TNR: variants seen among roughly 807,000 people sequenced by gnomAD.
The protein encoded by TNR is tenascin-R.
TNR carries 45 observed loss-of-function variants against 150.4 expected under a neutral mutation model. The observed-to-expected ratio is 0.30, with a 90% confidence interval of 0.24 to 0.38. The LOEUF is 0.38. Ranked by LOEUF, TNR falls within the 10% of genes least tolerant of loss-of-function variation. The probability of loss-of-function intolerance (pLI) is 1.00; values close to 1 mark genes in which losing one functional copy is unlikely to be tolerated. For missense variants in TNR, 1,544 were observed against 1,759.1 expected (o/e 0.88, Z 2.19); for synonymous variants, 687 against 678.4 (o/e 1.01, Z -0.20).
intron 1 of TNR, among the ~76,000 whole-genome samples, chr1:175,665,126 T>C (rs1665497851): frequency 6.6e-6 from 1 of 152,254 alleles, no homozygotes; most frequent in Non-Finnish European, 1.5e-5. Flanking sequence ...GACATTGATT[T>C]GAAATGAAGA....
intron 2 of TNR, among the ~76,000 whole-genome samples, chr1:175,448,577 G>A (rs1656165471): frequency 6.6e-6 from 1 of 152,206 alleles, no homozygotes. Flanking sequence ...ATCCACCTCA[G>A]ACTAGGCCAA....
chr1:175,517,047 GAGAGAGAGAGAA>G lies in TNR; in HGVS notation c.-64+11210_-64+11221del, dbSNP rs1417522809. 2.4e-3 allele frequency among the ~76,000 whole-genome samples: 339 copies of G among 144,182 alleles called. 1 individual carries two copies. The highest frequency in any genetic ancestry group is 8.6e-3 in the African/African-American group (306 of 35,544). 94.6% of individuals were successfully genotyped at this position (144,182 alleles called of 152,430 possible). A position where few individuals can be genotyped will look rare whatever the true frequency, so the allele number is the denominator to read the frequency against. Reference sequence around the variant, plus strand: ...AGAGAGAGAGAGAGAGAGAGAGAGAGAGAGAGAGAGAAAGAGAGAGAGACCTTCAAATACAGC... The same window carrying G: ...AGAGAGAGAGAGAGAGAGAGAGAGAGAGAGAGAGAGACCTTCAAATACAGC... On this transcript the variant is annotated intron_variant, in intron 2 of 22. Coordinates refer to ENST00000367674, the MANE Select transcript of TNR (RefSeq NM_003285.3).
intron 1 of TNR, among the ~76,000 whole-genome samples, chr1:175,571,604 G>A (rs1284393192): frequency 7.2e-5 from 11 of 151,966 alleles, no homozygotes; most frequent in African/African-American, 1.5e-4. Flanking sequence ...TCTCCTATCC[G>A]CCCTGAAAAT....
At chr1:175,518,531 T>A (rs1251778576) in intron 2 of TNR, among the ~76,000 whole-genome samples, 1 of 152,200 alleles carries the variant, frequency 6.6e-6, no homozygotes. Context: ...CCTGCTGTAA[T>A]GAGAACTTTG....
chr1:175,510,254 G>A (rs1221022844), intron 2 of TNR, among the ~76,000 whole-genome samples: 1 of 151,908 alleles, frequency 6.6e-6, no homozygotes, highest in Non-Finnish European at 1.5e-5. Flanking sequence ...GAAATGAAAT[G>A]TATTTAAGGG....
intron 19 of TNR, among the ~76,000 whole-genome samples, 189 bp from the exon 20 acceptor site, chr1:175,335,996 C>G (rs1027999143): frequency 2.6e-5 from 4 of 152,194 alleles, no homozygotes; most frequent in African/African-American, 9.6e-5. Flanking sequence ...TTGTAGGAGA[C>G]ACTCAGAGCA....
chr1:175,464,980 A>T (rs1216952464), intron 2 of TNR, among the ~76,000 whole-genome samples: 2 of 151,994 alleles, frequency 1.3e-5, no homozygotes, highest in Non-Finnish European at 2.9e-5. Context: ...GCCTGTTCCT[A>T]AGTGGGCACT....
chr1:175,549,307 A>C (rs531322686), intron 1 of TNR, among the ~76,000 whole-genome samples: 2 of 152,378 alleles, frequency 1.3e-5, no homozygotes, highest in African/African-American at 2.4e-5. Context: ...AATGTCTCAA[A>C]CACTGATATT....
At chr1:175,433,261 T>A (rs1421149597) in intron 2 of TNR, among the ~76,000 whole-genome samples, 1 of 152,220 alleles carries the variant, frequency 6.6e-6, no homozygotes, top group African/African-American at 2.4e-5. Flanking sequence ...CCAGTCTCTG[T>A]GATTATAACT....
chr1:175,515,758 G>C (rs1659381139), intron 2 of TNR, among the ~76,000 whole-genome samples: 1 of 152,180 alleles, frequency 6.6e-6, no homozygotes, highest in African/African-American at 2.4e-5. Context: ...TCTGGATGCA[G>C]GTAGGCCAGA....
chr1:175,337,460 G>C, intron 19 of TNR, 68 bp downstream of exon 19: 1 of 1,584,048 alleles, frequency 6.3e-7, no homozygotes. Context: ...TGGCTTGGCA[G>C]GTGCTGAGCT....
intron 2 of TNR, among the ~76,000 whole-genome samples, chr1:175,480,788 C>T (rs1657773609): frequency 6.6e-6 from 1 of 152,084 alleles, no homozygotes. Context: ...TTCTGACCTC[C>T]CTCTTTTCTC....
chr1:175,654,616 C>G (rs1385382008), intron 1 of TNR, among the ~76,000 whole-genome samples: 2 of 151,510 alleles, frequency 1.3e-5, no homozygotes, highest in African/African-American at 4.9e-5. Context: ...CTTCTCGCTT[C>G]TTGAAATGCA....
chr1:175,515,537 T>C (rs577992577), intron 2 of TNR, among the ~76,000 whole-genome samples: 22 of 152,326 alleles, frequency 1.4e-4, no homozygotes, highest in African/African-American at 4.6e-4. Context: ...TGAAAGAGCA[T>C]AGAACATTCT....
At chr1:175,555,985 A>T (rs1400752645) in intron 1 of TNR, among the ~76,000 whole-genome samples, 1 of 152,248 alleles carries the variant, frequency 6.6e-6, no homozygotes, top group African/African-American at 2.4e-5. Context: ...AGGCTCAGAC[A>T]GCCTGCTCCA....
At chr1:175,700,708 G>T (rs562292940) in intron 1 of TNR, among the ~76,000 whole-genome samples, 1 of 152,164 alleles carries the variant, frequency 6.6e-6, no homozygotes, top group Non-Finnish European at 1.5e-5. Flanking sequence ...AGGTGACCAC[G>T]GAGGTAGAAT....
At chr1:175,397,488 C>T (rs1011153936) in intron 4 of TNR, among the ~76,000 whole-genome samples, 11 of 152,178 alleles carry the variant, frequency 7.2e-5, no homozygotes, top group Non-Finnish European at 1.3e-4. Flanking sequence ...CATCAGATTA[C>T]CCTGGGAGCC....
intron 1 of TNR, among the ~76,000 whole-genome samples, chr1:175,641,498 T>C (rs1664659000): frequency 1.3e-5 from 2 of 152,182 alleles, no homozygotes; most frequent in Non-Finnish European, 2.9e-5. Context: ...CTCAATGGCA[T>C]CTTCTATTAC....
chr1:175,705,476 G>C lies in TNR; in HGVS notation c.-165+37750C>G, dbSNP rs543463190. On this transcript the variant is annotated intron_variant, in intron 1 of 22. Coordinates refer to ENST00000367674, the MANE Select transcript of TNR (RefSeq NM_003285.3). The stretch of plus-strand genomic sequence containing the variant: ...TTGATCTAAATTCTAGAAAGATAAA[G>C]ATATGGTTTATGAGCCTTTGGAAAG... 3.9e-5 allele frequency among the ~76,000 whole-genome samples: 6 copies of C among 152,244 alleles called. No individual in the cohort carries two copies. The East Asian group carries it at 7.7e-4, about 20-fold the overall frequency.
Sources: gnomAD v4.1 joint callset for allele counts (sites outside exome capture counted in the v4.1 genomes callset) on GRCh38, gnomAD v4.1.1 for gene constraint, MANE v1.5 for transcripts, NCBI Gene and HGNC (gene_info 2026-07-23, HGNC 2026-07-21) for gene names.